Variants in CRYZL1 observed in about 807,000 individuals in gnomAD.
The protein encoded by CRYZL1 is ferry endosomal RAB5 effector complex subunit 4.
Under a neutral mutation model 50.6 loss-of-function variants are expected in CRYZL1, and 34 were observed. The observed-to-expected ratio is 0.67, with a 90% CI of 0.51 to 0.89. The LOEUF (loss-of-function observed/expected upper bound fraction) is 0.89, where lower values mean the gene tolerates loss of function less well. Among genes scored for constraint, CRYZL1 ranks in the 40% least tolerant of loss-of-function variants. CRYZL1 has a pLI of 0.00. For synonymous variants in CRYZL1, 125 were observed against 134.3 expected (o/e 0.93, Z 0.48); for missense variants, 354 against 402.3 (o/e 0.88, Z 1.03).
intron 7 of CRYZL1, 90 bp downstream of exon 7, chr21:33,603,314 G>T (rs2086775093): frequency 4.7e-6 from 7 of 1,492,586 alleles, no homozygotes; most frequent in Admixed American, 1.9e-5. Flanking sequence ...TATTGGCAAA[G>T]AATTATATTA....
chr21:33,618,220 C>T (rs954343889), intron 4 of CRYZL1, among the ~76,000 whole-genome samples: 1 of 134,464 alleles, frequency 7.4e-6, no homozygotes, highest in South Asian at 2.4e-4. Context: ...ACCTGGGAGG[C>T]GGAGCTTGCA....
At chr21:33,591,774 T>C (rs1247141479) in intron 11 of CRYZL1, 2 of 152,202 alleles carry the variant, frequency 1.3e-5, no homozygotes, top group East Asian at 3.9e-4. Flanking sequence ...GTGCAGCAGC[T>C]TGGGAAACAA....
intron 10 of CRYZL1, among the ~76,000 whole-genome samples, chr21:33,596,874 T>C (rs547569744): frequency 6.6e-6 from 1 of 151,462 alleles, no homozygotes; most frequent in African/African-American, 2.4e-5. Context: ...TTTCTTTTTT[T>C]TTTTTTGAGA....
Position 33,613,670 on chromosome 21 carries a change from GTAT to G in CRYZL1, c.263-67_263-65del, listed in dbSNP as rs1173497424. On this transcript the variant is annotated intron_variant, in intron 5 of 12. Transcript: ENST00000381554. Reference sequence around the variant, plus strand: ...AAAATTCATTCCTAATGAGAGGCCAGTATTATTACAAATTTTGTTCAGTGAAAT... The same window carrying G: ...AAAATTCATTCCTAATGAGAGGCCAGTATTACAAATTTTGTTCAGTGAAAT... The G allele has an allele frequency of 3.6e-6, 4 of 1,117,608 alleles. No homozygotes were observed. In the African/African-American group the frequency reaches 4.6e-5, roughly 13 times the overall value. The allele number at this position is 1,117,608 out of a possible 1,614,324, so 69.2% of individuals were successfully genotyped here.
At position 33,589,693 on chromosome 21, in the gene CRYZL1, A is replaced by C. The variant is rs986798382; in HGVS notation, c.*129T>G. 6.2e-6 allele frequency: 4 copies of C among 642,094 alleles called. No individual in the cohort carries two copies. Among genetic ancestry groups the C allele is most frequent in the Admixed American group, 2.7e-5 (1 of 36,530 alleles). 39.8% of individuals were successfully genotyped at this position (642,094 alleles called of 1,614,324 possible). A position where few individuals can be genotyped will look rare whatever the true frequency, so the allele number is the denominator to read the frequency against. ...ATGTGTCAACTGAGCATCTTGTCTT[A>C]GCAGAGAAACGTGCTTAAAAATGCA... is the stretch of plus-strand genomic sequence containing the variant. On this transcript the variant is annotated 3_prime_UTR_variant, in exon 13 of 13. Coordinates refer to ENST00000381554, the MANE Select transcript of CRYZL1 (RefSeq NM_145858.3).
At chr21:33,592,727 G>A (rs1265841105) in intron 11 of CRYZL1, among the ~76,000 whole-genome samples, 2 of 152,138 alleles carry the variant, frequency 1.3e-5, no homozygotes, top group South Asian at 4.1e-4. Flanking sequence ...TTGCACAAGT[G>A]AGGACTACTG....
intron 8 of CRYZL1, among the ~76,000 whole-genome samples, chr21:33,600,445 A>G (rs927720712): frequency 1.3e-5 from 2 of 152,186 alleles, no homozygotes; most frequent in African/African-American, 4.8e-5. Flanking sequence ...AACACCTTCT[A>G]GCTGAAGAGA....
chr21:33,622,199 C>A, intron 3 of CRYZL1, 131 bp from the exon 4 acceptor site: 1 of 691,924 alleles, frequency 1.4e-6, no homozygotes, highest in Non-Finnish European at 2.5e-6. Context: ...GGAACTGAGA[C>A]AAAGCAAATA....
At chr21:33,613,669 A>T in intron 5 of CRYZL1, 63 bp from the exon 6 acceptor site, 1 of 1,130,022 alleles carries the variant, frequency 8.8e-7, no homozygotes, top group South Asian at 1.3e-5. Context: ...ATGAGAGGCC[A>T]GTATTATTAC....
chr21:33,610,982 C>T (rs914109703), intron 6 of CRYZL1, among the ~76,000 whole-genome samples: 13 of 151,516 alleles, frequency 8.6e-5, no homozygotes, highest in African/African-American at 2.4e-4. Context: ...CCACCCATCT[C>T]GGCCTCCCAA....
At chr21:33,627,006 A>T (rs1451570923) in intron 2 of CRYZL1, among the ~76,000 whole-genome samples, 1 of 152,180 alleles carries the variant, frequency 6.6e-6, no homozygotes, top group Non-Finnish European at 1.5e-5. Context: ...TAATATGAAG[A>T]TGTTCATTAA....
intron 1 of CRYZL1, among the ~76,000 whole-genome samples, chr21:33,636,958 C>A (rs953794420): frequency 3.7e-4 from 56 of 152,304 alleles, no homozygotes; most frequent in African/African-American, 1.3e-3. Flanking sequence ...AGGCGCCCGC[C>A]ACTGCGCCCG....
intron 5 of CRYZL1, among the ~76,000 whole-genome samples, chr21:33,616,077 C>A (rs964506819): frequency 6.6e-6 from 1 of 151,136 alleles, no homozygotes; most frequent in East Asian, 1.9e-4. Flanking sequence ...GCTATCCCTC[C>A]CCCCCCCAAC....
intron 1 of CRYZL1, among the ~76,000 whole-genome samples, chr21:33,638,706 C>A (rs1351307528): frequency 6.6e-6 from 1 of 152,166 alleles, no homozygotes; most frequent in Non-Finnish European, 1.5e-5. Flanking sequence ...AAGATGGGCA[C>A]AGGAGATATT....
Position 33,589,612 on chromosome 21 carries a change from GTTAA to G in CRYZL1, c.*206_*209del. The G allele has an allele frequency of 3.8e-6, 2 of 524,330 alleles. No individual in the cohort carries two copies. Among genetic ancestry groups the G allele is most frequent in the East Asian group, 6.3e-5 (2 of 31,558 alleles). 32.5% of individuals were successfully genotyped at this position (524,330 alleles called of 1,614,324 possible). A position where few individuals can be genotyped will look rare whatever the true frequency, so the allele number is the denominator to read the frequency against. On this transcript the variant is annotated 3_prime_UTR_variant, in exon 13 of 13. Transcript: ENST00000381554. The stretch of plus-strand genomic sequence containing the variant: ...GTTTTTAGAAAAATTCCCTTAAGAT[GTTAA>G]TTATAGAATTATCTTGATCATTTGC...
In CRYZL1 at chr21:33,618,023, C is replaced by T. The variant is rs571727473; in HGVS notation, c.218-1273G>A. ...TAGAAATGATGGCCGGGCGCGGTGG[C>T]TCACGCCTGTAATCCCAGCACTTTG... On this transcript the variant is annotated intron_variant, in intron 4 of 12. Coordinates refer to ENST00000381554, the MANE Select transcript of CRYZL1 (RefSeq NM_145858.3). Among the ~76,000 whole-genome samples, 3 of 152,158 alleles carry T rather than the reference C, an allele frequency of 2.0e-5. No individual in the cohort carries two copies. The South Asian group carries it at 6.2e-4, about 32-fold the overall frequency.
Position 33,589,540 on chromosome 21 carries a change from G to A in CRYZL1, c.*282C>T, listed in dbSNP as rs1359914981. ...TGCTGAAAGCAGCAGTTTTCTTCAT[G>A]GAAGGAATTTTATAGCAGGGGCAAA... On this transcript the variant is annotated 3_prime_UTR_variant, in exon 13 of 13. Coordinates refer to ENST00000381554, the MANE Select transcript of CRYZL1 (RefSeq NM_145858.3). 2.1e-6 allele frequency: 1 copy of A among 473,074 alleles called. No individual in the cohort carries two copies. The highest frequency in any genetic ancestry group is 2.0e-5 in the African/African-American group (1 of 49,560). The allele number at this position is 473,074 out of a possible 1,614,324, so 29.3% of individuals were successfully genotyped here.
At chr21:33,593,820 T>TA (rs751502120) in intron 11 of CRYZL1, among the ~76,000 whole-genome samples, 15 of 151,510 alleles carry the variant, frequency 9.9e-5, no homozygotes, top group Non-Finnish European at 1.8e-4. Context: ...CCGTCTCTAC[T>TA]AAAAAATACA....
intron 6 of CRYZL1, among the ~76,000 whole-genome samples, chr21:33,603,977 G>A (rs546561432): frequency 9.2e-5 from 14 of 152,288 alleles, no homozygotes; most frequent in African/African-American, 3.4e-4. Context: ...TCCTGGCCTG[G>A]CGTGGTGGCT....
Sources: allele counts gnomAD v4.1 joint callset (sites outside exome capture counted in the v4.1 genomes callset), GRCh38; gene constraint gnomAD v4.1.1; transcripts MANE v1.5; gene names NCBI Gene and HGNC (gene_info 2026-07-23, HGNC 2026-07-21).